The following MMADHC variants were observed in gnomAD, a reference collection of about 807,000 sequenced individuals.
MMADHC encodes the protein cobalamin trafficking protein CblD.
A neutral mutation model predicts 36.3 loss-of-function variants in MMADHC; 23 were observed. The observed-to-expected ratio is 0.63, with a 90% confidence interval of 0.46 to 0.90. The LOEUF is 0.90. Ranked by LOEUF, MMADHC falls within the 40% of genes least tolerant of loss-of-function variation. MMADHC has a pLI of 0.00. For missense variants in MMADHC, 330 were observed against 348.0 expected (o/e 0.95, Z 0.41); for synonymous variants, 97 against 116.1 (o/e 0.84, Z 1.06).
At chr2:149,587,001 C>T (rs1199771648) in intron 2 of MMADHC, 88 bp downstream of exon 2, 1 of 1,297,728 alleles carries the variant, frequency 7.7e-7, no homozygotes, top group Non-Finnish European at 1.1e-6. Context: ...CTATACCACC[C>T]AATGCCATCA....
intron 4 of MMADHC, among the ~76,000 whole-genome samples, chr2:149,578,896 G>C (rs1307260530): frequency 1.3e-5 from 2 of 148,270 alleles, no homozygotes; most frequent in African/African-American, 5.0e-5. Context: ...AATCATAAAT[G>C]CAAGTTTAAA....
At chr2:149,587,524 C>A in intron 1 of MMADHC, 140 bp downstream of exon 1, 1 of 237,484 alleles carries the variant, frequency 4.2e-6, no homozygotes, top group Non-Finnish European at 8.4e-6. Context: ...GATGAGGAAG[C>A]AGAAAAGAGA....
At chr2:149,575,547 A>C (rs1682701887) in intron 6 of MMADHC, among the ~76,000 whole-genome samples, 164 bp downstream of exon 6, 1 of 152,254 alleles carries the variant, frequency 6.6e-6, no homozygotes, top group Non-Finnish European at 1.5e-5. Context: ...GATACTAAAA[A>C]GCTGCACTTT....
chr2:149,579,744 T>C (rs1012451358), intron 3 of MMADHC, 96 bp from the exon 4 acceptor site: 2 of 1,043,928 alleles, frequency 1.9e-6, no homozygotes, highest in African/African-American at 1.6e-5. Flanking sequence ...TATATTTTTA[T>C]CTAAAAGATC....
At chr2:149,575,975 T>C in intron 5 of MMADHC, 134 bp from the exon 6 acceptor site, 2 of 693,252 alleles carry the variant, frequency 2.9e-6, no homozygotes, top group Non-Finnish European at 4.7e-6. Context: ...TTAATTTTTA[T>C]AAATGTATGT....
At chr2:149,582,292 A>C in intron 2 of MMADHC, 21 bp from the exon 3 acceptor site, 2 of 1,611,910 alleles carry the variant, frequency 1.2e-6, no homozygotes, top group Non-Finnish European at 1.7e-6. Context: ...CACAAAATTA[A>C]AACTATTTGT....
intron 6 of MMADHC, among the ~76,000 whole-genome samples, chr2:149,571,997 C>G (rs1682647606): frequency 6.6e-6 from 1 of 152,008 alleles, no homozygotes; most frequent in Non-Finnish European, 1.5e-5. Context: ...CAGAGTTAAA[C>G]AAGGTACTTG....
chr2:149,576,428 A>C lies in MMADHC; in HGVS notation c.478+9T>G. 1 of 1,566,294 alleles carries C rather than the reference A, an allele frequency of 6.4e-7. No individual in the cohort carries two copies. Among genetic ancestry groups the C allele is most frequent in the South Asian group, 1.1e-5 (1 of 90,132 alleles). ...GTAACAGTGTTTCAAAGTATAAAGC[A>C]TGACATACCTTTTCGCAGCAATTCT... On this transcript the variant is annotated intron_variant, in intron 5 of 7. Coordinates refer to ENST00000303319, the MANE Select transcript of MMADHC (RefSeq NM_015702.3).
chr2:149,570,699 ATTTAT>A (rs1397053877), intron 7 of MMADHC, among the ~76,000 whole-genome samples: 1 of 152,200 alleles, frequency 6.6e-6, no homozygotes, highest in Non-Finnish European at 1.5e-5. Context: ...TGGTCTAAGT[ATTTAT>A]TTTTACCACC....
At chr2:149,575,600 T>A in intron 6 of MMADHC, 111 bp downstream of exon 6, 1 of 905,108 alleles carries the variant, frequency 1.1e-6, no homozygotes, top group Non-Finnish European at 1.6e-6. Context: ...TATAATACTT[T>A]GGCAGAAAAT....
At chr2:149,586,792 G>C (rs551844559) in intron 2 of MMADHC, 5 of 393,280 alleles carry the variant, frequency 1.3e-5, no homozygotes, top group Admixed American at 4.2e-5. Flanking sequence ...GCTAAAAAAG[G>C]GCCTAAACAT....
intron 3 of MMADHC, among the ~76,000 whole-genome samples, chr2:149,581,571 C>T (rs914173014): frequency 1.3e-5 from 2 of 152,078 alleles, no homozygotes; most frequent in African/African-American, 2.4e-5. Context: ...CAGAGACTAT[C>T]CCCCTACCCC....
At chr2:149,576,594 G>T (rs774785907) in intron 4 of MMADHC, 52 bp from the exon 5 acceptor site, 1 of 1,228,930 alleles carries the variant, frequency 8.1e-7, no homozygotes, top group Non-Finnish European at 1.2e-6. Context: ...AAATAAAACG[G>T]TATCTTGCCT....
chr2:149,577,171 G>C (rs1204777241), intron 4 of MMADHC, among the ~76,000 whole-genome samples: 1 of 152,176 alleles, frequency 6.6e-6, no homozygotes, highest in Non-Finnish European at 1.5e-5. Context: ...AGTCTTCCAG[G>C]GGCATAGATG....
intron 1 of MMADHC, chr2:149,587,378 ACAACT>A (rs1682889143): frequency 1.9e-6 from 1 of 537,192 alleles, no homozygotes; most frequent in African/African-American, 1.9e-5. Context: ...CCGCGGAAAA[ACAACT>A]CGGACCAGAT....
At chr2:149,583,954 C>T (rs903008813) in intron 2 of MMADHC, among the ~76,000 whole-genome samples, 2 of 152,126 alleles carry the variant, frequency 1.3e-5, no homozygotes, top group Non-Finnish European at 2.9e-5. Context: ...CAAATTCTTA[C>T]TTTTTCTTTA....
intron 2 of MMADHC, among the ~76,000 whole-genome samples, chr2:149,585,648 C>T (rs527911801): frequency 6.6e-6 from 1 of 152,180 alleles, no homozygotes; most frequent in Non-Finnish European, 1.5e-5. Context: ...CCCCTTTGTT[C>T]AGAAAGGCTT....
At chr2:149,585,997 T>A (rs1214582981) in intron 2 of MMADHC, among the ~76,000 whole-genome samples, 1 of 152,202 alleles carries the variant, frequency 6.6e-6, no homozygotes, top group Non-Finnish European at 1.5e-5. Flanking sequence ...TACCACATAC[T>A]TCTTTTACAG....
At chr2:149,585,916 TTAAACC>T (rs1682863144) in intron 2 of MMADHC, among the ~76,000 whole-genome samples, 1 of 152,226 alleles carries the variant, frequency 6.6e-6, no homozygotes, top group Non-Finnish European at 1.5e-5. Context: ...ATTTATTCAT[TTAAACC>T]AAAATAAAAC....
Sources: allele counts gnomAD v4.1 joint callset (sites outside exome capture counted in the v4.1 genomes callset), GRCh38; gene constraint gnomAD v4.1.1; transcripts MANE v1.5; gene names NCBI Gene and HGNC (gene_info 2026-07-23, HGNC 2026-07-21).